The following LARGE1 variants were observed in gnomAD, a reference collection of about 807,000 sequenced individuals.
LARGE1 encodes the protein LARGE xylosyl- and glucuronyltransferase 1, also known as xylosyl- and glucuronyltransferase LARGE1.
LARGE1 carries 43 observed loss-of-function variants against 87.6 expected under a neutral mutation model. The observed-to-expected ratio is 0.49, with a 90% CI of 0.38 to 0.63. The LOEUF is 0.63. Among genes scored for constraint, LARGE1 ranks in the 30% least tolerant of loss-of-function variants. The pLI, the probability that LARGE1 is intolerant of heterozygous loss-of-function variation, is 0.00. For missense variants in LARGE1, 802 were observed against 1,000.2 expected, an observed-to-expected ratio of 0.80 and a Z score of 2.67; for synonymous variants, 434 against 394.6, an observed-to-expected ratio of 1.10 and a Z score of -1.18.
chr22:33,695,106 TTC>T (rs1359095689), intron 2 of LARGE1, among the ~76,000 whole-genome samples: 7 of 131,750 alleles, frequency 5.3e-5, no homozygotes, highest in Non-Finnish European at 1.0e-4. Context: ...CTTTCTTTCT[TTC>T]TTTTTTTTTT....
intron 1 of LARGE1, among the ~76,000 whole-genome samples, chr22:33,834,016 G>T (rs1041014685): frequency 3.3e-5 from 5 of 152,118 alleles, no homozygotes; most frequent in Non-Finnish European, 7.3e-5. Context: ...CAGAACACTG[G>T]AATTCGGGGA....
chr22:33,442,005 C>T (rs1489857772), intron 6 of LARGE1, among the ~76,000 whole-genome samples: 3 of 152,148 alleles, frequency 2.0e-5, no homozygotes, highest in African/African-American at 7.2e-5. Flanking sequence ...AAAAATACTC[C>T]ACCCTTACTG....
chr22:33,561,089 C>T (rs1198879781), intron 6 of LARGE1, among the ~76,000 whole-genome samples: 2 of 152,226 alleles, frequency 1.3e-5, no homozygotes, highest in African/African-American at 2.4e-5. Context: ...GCTGGGATTA[C>T]AGGCGTGAGC....
At chr22:33,352,831 T>C (rs1321299419) in intron 9 of LARGE1, among the ~76,000 whole-genome samples, 1 of 152,136 alleles carries the variant, frequency 6.6e-6, no homozygotes, top group Non-Finnish European at 1.5e-5. Flanking sequence ...ATATACAAAC[T>C]CTTTATGCTA....
At chr22:33,720,927 C>A (rs2083076570) in intron 2 of LARGE1, among the ~76,000 whole-genome samples, 1 of 152,214 alleles carries the variant, frequency 6.6e-6, no homozygotes, top group South Asian at 2.1e-4. Flanking sequence ...ATGCCCTCCT[C>A]AAGCAGGGAA....
Position 33,749,063 on chromosome 22 carries a change from G to A in LARGE1, c.106+12308C>T, listed in dbSNP as rs140954661. Reference sequence around the variant, plus strand: ...AAAGATTTGTTAAATGACCACTGTCGGATGTAACAGGTCATTTAGTCTTTA... The same window carrying A: ...AAAGATTTGTTAAATGACCACTGTCAGATGTAACAGGTCATTTAGTCTTTA... On this transcript the variant is annotated intron_variant, in intron 2 of 14. Coordinates refer to ENST00000397394, the MANE Select transcript of LARGE1 (RefSeq NM_133642.5). Among the ~76,000 whole-genome samples the A allele has an allele frequency of 3.2e-3, 491 of 152,336 alleles. 2 individuals are homozygous for A. Among genetic ancestry groups the A allele is most frequent in the African/African-American group, 0.011 (464 of 41,582 alleles).
intron 6 of LARGE1, among the ~76,000 whole-genome samples, chr22:33,559,745 T>C (rs1473337370): frequency 6.6e-6 from 1 of 151,966 alleles, no homozygotes; most frequent in Admixed American, 6.5e-5. Flanking sequence ...GCTGAGTCTC[T>C]GGGTAGAGCT....
At chr22:33,163,235 A>G (rs1334444537) in exon 12 of LARGE1, 2 of 152,208 alleles carry the variant, frequency 1.3e-5, no homozygotes, top group African/African-American at 4.8e-5. Flanking sequence ...CAGAAGAACT[A>G]AGTAAATTGT....
chr22:33,739,522 G>C (rs78133244), intron 2 of LARGE1, among the ~76,000 whole-genome samples: 2,853 of 152,336 alleles, frequency 0.019, 48 homozygotes, highest in Non-Finnish European at 0.029. Context: ...CTATTTGAGG[G>C]AGTATTTTTC....
chr22:33,823,944 C>CA (rs1179916996), intron 1 of LARGE1, among the ~76,000 whole-genome samples: 1 of 152,096 alleles, frequency 6.6e-6, no homozygotes, highest in Non-Finnish European at 1.5e-5. Flanking sequence ...AAGTGTCTAC[C>CA]AGTTAATAGT....
chr22:33,277,387 G>A lies in LARGE1; in HGVS notation c.1878-132C>T, dbSNP rs1199484907. The A allele has an allele frequency of 3.5e-6, 3 of 864,174 alleles. No individual in the cohort carries two copies. The African/African-American group carries it at 5.0e-5, about 14-fold the overall frequency. 53.5% of individuals were successfully genotyped at this position (864,174 alleles called of 1,614,324 possible). On this transcript the variant is annotated intron_variant, in intron 13 of 14. Transcript: ENST00000397394. ...GAGTTGAACTGTCTCCCTCCCAAAA[G>A]CTATGTTGAAGTCCTAACCCCCAGT...
intron 9 of LARGE1, among the ~76,000 whole-genome samples, chr22:33,359,360 A>T (rs188513682): frequency 4.6e-5 from 7 of 152,260 alleles, no homozygotes; most frequent in African/African-American, 1.7e-4. Context: ...TATAAAATGA[A>T]AAAAGATTTA....
intron 6 of LARGE1, among the ~76,000 whole-genome samples, chr22:33,434,846 C>T (rs573164674): frequency 2.6e-5 from 4 of 152,302 alleles, no homozygotes; most frequent in African/African-American, 7.2e-5. Flanking sequence ...CTTGCCCCCC[C>T]TGCCAATCCC....
At chr22:33,757,944 T>C (rs772179159) in intron 2 of LARGE1, among the ~76,000 whole-genome samples, 4 of 152,168 alleles carry the variant, frequency 2.6e-5, no homozygotes, top group Non-Finnish European at 1.5e-5. Flanking sequence ...AGCCTCAGGA[T>C]CTCTGGGTCA....
chr22:33,293,315 C>T (rs1158551332), intron 12 of LARGE1, among the ~76,000 whole-genome samples: 6 of 152,188 alleles, frequency 3.9e-5, no homozygotes, highest in African/African-American at 1.2e-4. Flanking sequence ...ATATGCATTA[C>T]TTCTCTTAAT....
At chr22:33,160,366 A>G (rs1012702306), downstream of LARGE1, among the ~76,000 whole-genome samples, 1 of 152,220 alleles carries the variant, frequency 6.6e-6, no homozygotes, top group African/African-American at 2.4e-5. Context: ...GAATGAGAGA[A>G]AAAATCAGCT....
At chr22:33,424,518 A>T (rs930332832) in intron 7 of LARGE1, among the ~76,000 whole-genome samples, 1 of 152,138 alleles carries the variant, frequency 6.6e-6, no homozygotes, top group Admixed American at 6.5e-5. Context: ...ATCTCCCCCA[A>T]ATTCACACAT....
chr22:33,722,840 G>A (rs1457007975), intron 2 of LARGE1, among the ~76,000 whole-genome samples: 1 of 152,184 alleles, frequency 6.6e-6, no homozygotes, highest in African/African-American at 2.4e-5. Flanking sequence ...TGCATTCAGG[G>A]AACCATCGAG....
chr22:33,825,436 A>G (rs1211951523), intron 1 of LARGE1, among the ~76,000 whole-genome samples: 1 of 150,896 alleles, frequency 6.6e-6, no homozygotes, highest in Non-Finnish European at 1.5e-5. Flanking sequence ...AAGAGGTTTA[A>G]TTGACTCATA....
Sources: allele counts gnomAD v4.1 joint callset (sites outside exome capture counted in the v4.1 genomes callset), GRCh38; gene constraint gnomAD v4.1.1; transcripts MANE v1.5; gene names NCBI Gene and HGNC (gene_info 2026-07-23, HGNC 2026-07-21).